Variants in SHROOM3 observed in about 807,000 individuals in gnomAD.
SHROOM3 encodes shroom family member 3.
Under a neutral mutation model 138.6 loss-of-function variants are expected in SHROOM3, and 47 were observed. That is an observed-to-expected ratio of 0.34 (90% CI 0.27 to 0.43). SHROOM3 has a LOEUF of 0.43. Among genes scored for constraint, SHROOM3 ranks in the 20% least tolerant of loss-of-function variants. The probability of loss-of-function intolerance (pLI) is 1.00; values close to 1 mark genes in which losing one functional copy is unlikely to be tolerated. For synonymous variants in SHROOM3, 1,062 were observed against 1,063.3 expected (o/e 1.00, Z 0.02); for missense variants, 2,491 against 2,596.5 (o/e 0.96, Z 0.88).
In SHROOM3 at chr4:76,512,025, G is replaced by A. The variant is rs183521605; in HGVS notation, c.169-43584G>A. Among the ~76,000 whole-genome samples the A allele has an allele frequency of 1.6e-4, 24 of 152,314 alleles. No homozygotes were observed. In the East Asian group the frequency reaches 4.6e-3, roughly 29 times the overall value. Reference sequence around the variant, plus strand: ...GGAGAATATTTTCAACCTGAGGTCCGAGGGAGTGGGCCTGAGGCCTAAATA... The same window carrying A: ...GGAGAATATTTTCAACCTGAGGTCCAAGGGAGTGGGCCTGAGGCCTAAATA... On this transcript the variant is annotated intron_variant, in intron 1 of 10. Transcript: ENST00000296043.
At chr4:76,444,199 T>C (rs6816317) in intron 1 of SHROOM3, among the ~76,000 whole-genome samples, 1,535 of 152,184 alleles carry the variant, frequency 0.01, 27 homozygotes, top group East Asian at 0.042. Context: ...GCAGGAGTGA[T>C]CCACCACGCC....
At chr4:76,592,916 C>A (rs1383331536) in intron 2 of SHROOM3, among the ~76,000 whole-genome samples, 1 of 152,122 alleles carries the variant, frequency 6.6e-6, no homozygotes, top group Non-Finnish European at 1.5e-5. Context: ...GCAAGATTAC[C>A]TTTTGAGGCA....
chr4:76,701,177 C>G (rs1281241660), intron 2 of SHROOM3, among the ~76,000 whole-genome samples: 1 of 152,148 alleles, frequency 6.6e-6, no homozygotes, highest in Non-Finnish European at 1.5e-5. Flanking sequence ...GTCTGGGTGT[C>G]AGGGGTAGGG....
At chr4:76,447,737 G>A (rs1730843396) in intron 1 of SHROOM3, among the ~76,000 whole-genome samples, 1 of 152,210 alleles carries the variant, frequency 6.6e-6, no homozygotes, top group Non-Finnish European at 1.5e-5. Flanking sequence ...GGAAGGTTAA[G>A]AGAATGAGTG....
At chr4:76,598,284 C>T (rs748682535) in intron 2 of SHROOM3, among the ~76,000 whole-genome samples, 94 of 152,020 alleles carry the variant, frequency 6.2e-4, no homozygotes, top group South Asian at 1.5e-3. Flanking sequence ...CCTCGGCCTC[C>T]GAAAGTCCTG....
At chr4:76,648,726 GT>G (rs1462475133) in intron 2 of SHROOM3, among the ~76,000 whole-genome samples, 1 of 152,222 alleles carries the variant, frequency 6.6e-6, no homozygotes, top group African/African-American at 2.4e-5. Flanking sequence ...ATTAGAAACT[GT>G]GACCATGTAG....
chr4:76,740,979 T>G lies in SHROOM3; in HGVS notation c.2806T>G (p.Leu936Val). ...NSIKDAQSRV[L>V]GATSFRRRDL... ...CATCAAGGACGCACAGTCCCGTGTC[T>G]TGGGGGCCACCTCCTTTCGACGTCG... Residue 936 changes from leucine (L) to valine (V), a missense_variant, in exon 5 of 11, where the codon TTG becomes GTG. Leu to Val is a conservative substitution (Grantham distance 32). Around this residue, in one of 4 missense-constraint regions of SHROOM3, gnomAD observed 1,733 missense variants for 1,661.6 expected, o/e 1.04. Coordinates refer to ENST00000296043, the MANE Select transcript of SHROOM3 (RefSeq NM_020859.4). This position sits in a 1 kb window ranked among gnomAD's most constrained non-coding sequence, Gnocchi z 4.0. The G allele has an allele frequency of 6.7e-7, 1 of 1,494,466 alleles. No individual in the cohort carries two copies. Among genetic ancestry groups the G allele is most frequent in the Non-Finnish European group, 8.9e-7 (1 of 1,126,214 alleles). 92.6% of individuals were successfully genotyped at this position (1,494,466 alleles called of 1,614,324 possible).
chr4:76,644,796 T>G (rs10003456), intron 2 of SHROOM3, among the ~76,000 whole-genome samples: 105,204 of 152,028 alleles, frequency 0.69, 37,606 homozygotes, highest in East Asian at 0.94. Context: ...CAGAGCAACA[T>G]ATCTGATGTG....
Position 76,664,134 on chromosome 4 carries a change from C to T in SHROOM3, c.324-46022C>T, listed in dbSNP as rs910239091. On this transcript the variant is annotated intron_variant, in intron 2 of 10. Transcript: ENST00000296043. The surrounding 1 kb of genome is among the most constrained non-coding windows in gnomAD (Gnocchi z 4.2). ...ATTGAAAGAATACTTTCTCTGTAGG[C>T]CCATAGTCATTTACCACATGGGATC... Among the ~76,000 whole-genome samples the T allele has an allele frequency of 6.6e-6, 1 of 152,186 alleles. No homozygotes were observed. Among genetic ancestry groups the T allele is most frequent in the Non-Finnish European group, 1.5e-5 (1 of 68,038 alleles).
At chr4:76,720,419 T>C (rs902997227) in intron 3 of SHROOM3, among the ~76,000 whole-genome samples, 1 of 152,172 alleles carries the variant, frequency 6.6e-6, no homozygotes, top group Admixed American at 6.5e-5. Flanking sequence ...ACCATCTGAA[T>C]GAAACAATGT....
chr4:76,753,957 G>C, intron 6 of SHROOM3, among the ~76,000 whole-genome samples: 1 of 152,180 alleles, frequency 6.6e-6, no homozygotes, highest in East Asian at 1.9e-4. Flanking sequence ...GTCCTAAAAG[G>C]GGCTGAAGAA....
At chr4:76,608,610 CATTGGACAGAGATGGT>C (rs200845945) in intron 2 of SHROOM3, among the ~76,000 whole-genome samples, 1,116 of 90,732 alleles carry the variant, frequency 0.012, 29 homozygotes, top group East Asian at 0.024. Flanking sequence ...CATAGCATAG[CATTGGACAGAGATGGT>C]ATAGCATAGC....
chr4:76,592,762 C>T (rs1045587296), intron 2 of SHROOM3, among the ~76,000 whole-genome samples: 8 of 152,146 alleles, frequency 5.3e-5, no homozygotes, highest in Non-Finnish European at 1.2e-4. Flanking sequence ...CCACTGAATT[C>T]GCATGATCTC....
intron 2 of SHROOM3, among the ~76,000 whole-genome samples, chr4:76,667,966 CAAAAAAAAAAAAAA>C (rs747974205): frequency 0.034 from 2,140 of 62,582 alleles, 78 homozygotes; most frequent in Non-Finnish European, 0.045. Flanking sequence ...GACTCCCTCT[CAAAAAAAAAAAAAA>C]AAAAAAAAAA....
chr4:76,660,442 TA>T (rs1354108734), intron 2 of SHROOM3, among the ~76,000 whole-genome samples: 1 of 152,190 alleles, frequency 6.6e-6, no homozygotes, highest in Non-Finnish European at 1.5e-5. Flanking sequence ...ATAACTAGTC[TA>T]TCACATATTG....
At position 76,528,710 on chromosome 4, in the gene SHROOM3, G is replaced by A. The variant is rs570694542; in HGVS notation, c.169-26899G>A. ...TGGGATTATAGGCATGTGCCACCAC[G>A]CCTAGCTAATTTTTGTATTTATTAG... On this transcript the variant is annotated intron_variant, in intron 1 of 10. Transcript: ENST00000296043. Among the ~76,000 whole-genome samples, 706 of 152,008 alleles carry A rather than the reference G, an allele frequency of 4.6e-3. 6 individuals carry two copies. Among genetic ancestry groups the A allele is most frequent in the Non-Finnish European group, 7.0e-3 (477 of 67,970 alleles).
intron 1 of SHROOM3, 129 bp downstream of exon 1, chr4:76,436,349 A>C: frequency 4.6e-6 from 4 of 863,794 alleles, no homozygotes; most frequent in Non-Finnish European, 6.9e-6. Flanking sequence ...CTTTCTGATT[A>C]TCTAGAAATA....
In SHROOM3 at chr4:76,460,911, T is replaced by G. The variant is rs555000581; in HGVS notation, c.168+24691T>G. On this transcript the variant is annotated intron_variant, in intron 1 of 10. Coordinates refer to ENST00000296043, the MANE Select transcript of SHROOM3 (RefSeq NM_020859.4). ...TGAGAGCTGAGGTAGGAGAATCACC[T>G]GATTCTGGGAAGTCAAGGCAGTAGT... Among the ~76,000 whole-genome samples the G allele has an allele frequency of 2.8e-3, 424 of 149,448 alleles. 2 individuals carry two copies. The highest frequency in any genetic ancestry group is 5.2e-3 in the Non-Finnish European group (353 of 67,610).
At chr4:76,644,269 T>G (rs75163714) in intron 2 of SHROOM3, 1 of 148,852 alleles carries the variant, frequency 6.7e-6, no homozygotes, top group South Asian at 2.2e-4. Flanking sequence ...TTTTTTTTTT[T>G]GGCAGAGTTT....
Sources: gnomAD v4.1 joint callset for allele counts (sites outside exome capture counted in the v4.1 genomes callset) on GRCh38, gnomAD v4.1.1 for gene constraint, gnomAD v4.1.1 regional missense constraint, Gnocchi (gnomAD v3.1) non-coding constraint, MANE v1.5 for transcripts, NCBI Gene and HGNC (gene_info 2026-07-23, HGNC 2026-07-21) for gene names.